The following ROBO1 variants were observed in gnomAD, a reference collection of about 807,000 sequenced individuals.
ROBO1 encodes the protein roundabout homolog 1.
Under a neutral mutation model 195.9 loss-of-function variants are expected in ROBO1, and 149 were observed. That is an observed-to-expected ratio of 0.76 (90% confidence interval 0.67 to 0.87). ROBO1 has a LOEUF of 0.87. ROBO1 is among the 40% of genes least tolerant of loss of function. The probability of loss-of-function intolerance (pLI) is 0.00; values close to 1 mark genes in which losing one functional copy is unlikely to be tolerated. For missense variants in ROBO1, 1,933 were observed against 2,068.3 expected (o/e 0.93, Z 1.27); for synonymous variants, 816 against 733.2 (o/e 1.11, Z -1.82).
intron 1 of ROBO1, among the ~76,000 whole-genome samples, chr3:79,759,458 A>G (rs147823759): frequency 6.6e-6 from 1 of 152,196 alleles, no homozygotes; most frequent in Non-Finnish European, 1.5e-5. Flanking sequence ...CCAAGTACTG[A>G]AGTCCATTTC....
chr3:79,517,476 AC>A (rs1941000882), intron 2 of ROBO1, among the ~76,000 whole-genome samples: 1 of 152,102 alleles, frequency 6.6e-6, no homozygotes, highest in Non-Finnish European at 1.5e-5. Flanking sequence ...CAGCCTATTA[AC>A]CTTTAAATAT....
chr3:79,128,848 C>T (rs892393440), intron 2 of ROBO1, among the ~76,000 whole-genome samples: 1 of 152,024 alleles, frequency 6.6e-6, no homozygotes, highest in Non-Finnish European at 1.5e-5. Flanking sequence ...GATTTTCTAT[C>T]CATTGACTCC....
chr3:78,686,569 A>T (rs1039414743), intron 9 of ROBO1, among the ~76,000 whole-genome samples: 3 of 152,018 alleles, frequency 2.0e-5, no homozygotes, highest in African/African-American at 7.2e-5. Context: ...AAAAAAAAAA[A>T]AATTAACTAT....
At chr3:78,858,135 A>G (rs2034566248) in intron 4 of ROBO1, among the ~76,000 whole-genome samples, 1 of 152,140 alleles carries the variant, frequency 6.6e-6, no homozygotes, top group Admixed American at 6.6e-5. Flanking sequence ...GTAGGGGGAC[A>G]GGGCTTTAAG....
chr3:79,606,052 A>T (rs767167274), intron 1 of ROBO1, among the ~76,000 whole-genome samples: 2 of 151,194 alleles, frequency 1.3e-5, no homozygotes, highest in Non-Finnish European at 2.9e-5. Context: ...ATATATATAT[A>T]CACCCATTTA....
chr3:79,581,434 T>C (rs1233678949), intron 2 of ROBO1, among the ~76,000 whole-genome samples: 4 of 152,170 alleles, frequency 2.6e-5, no homozygotes, highest in African/African-American at 9.7e-5. Context: ...AGATTACAAA[T>C]ACGAGTTTCT....
intron 8 of ROBO1, among the ~76,000 whole-genome samples, chr3:78,693,556 A>G (rs1038206491): frequency 2.1e-4 from 32 of 152,324 alleles, no homozygotes; most frequent in Admixed American, 5.9e-4. Context: ...TAATTTAAGA[A>G]AAATAGAAAT....
intron 2 of ROBO1, among the ~76,000 whole-genome samples, chr3:79,144,854 G>A (rs1334206875): frequency 2.6e-5 from 4 of 151,894 alleles, no homozygotes; most frequent in Non-Finnish European, 5.9e-5. Flanking sequence ...ACTGTGAATA[G>A]CAATGTATCT....
chr3:78,669,130 A>G (rs1387447612), intron 11 of ROBO1, among the ~76,000 whole-genome samples: 1 of 152,172 alleles, frequency 6.6e-6, no homozygotes, highest in Admixed American at 6.5e-5. Flanking sequence ...TGGAACGAAC[A>G]CTCTCGCTCC....
chr3:79,167,954 A>G (rs1448267779), intron 2 of ROBO1, among the ~76,000 whole-genome samples: 1 of 152,228 alleles, frequency 6.6e-6, no homozygotes, highest in Non-Finnish European at 1.5e-5. Context: ...TAGAATGGTC[A>G]CTGTCAGATG....
At chr3:79,699,786 A>C (rs1947559974) in intron 1 of ROBO1, among the ~76,000 whole-genome samples, 1 of 151,672 alleles carries the variant, frequency 6.6e-6, no homozygotes, top group Non-Finnish European at 1.5e-5. Context: ...GCTTCTGGGA[A>C]CATTTCTTGA....
At chr3:78,960,060 G>C (rs2041257499) in intron 3 of ROBO1, among the ~76,000 whole-genome samples, 1 of 152,092 alleles carries the variant, frequency 6.6e-6, no homozygotes, top group Non-Finnish European at 1.5e-5. Context: ...AGCTACTCAG[G>C]AGGCTGAGGT....
intron 2 of ROBO1, among the ~76,000 whole-genome samples, chr3:79,585,276 T>C (rs1311442707): frequency 1.3e-5 from 2 of 151,958 alleles, no homozygotes; most frequent in African/African-American, 4.8e-5. Context: ...AATATCTGAA[T>C]TAAGATTTTA....
rs1467883361 is a variant in ROBO1 at position 79,279,293 on chromosome 3, AC to A, written c.89-153755del. Among the ~76,000 whole-genome samples, 6 of 152,138 alleles carry A rather than the reference AC, an allele frequency of 3.9e-5. No homozygotes were observed. The East Asian group carries it at 9.7e-4, about 24-fold the overall frequency. On this transcript the variant is annotated intron_variant, in intron 2 of 30. Transcript: ENST00000464233. Reference sequence around the variant, plus strand: ...AAAAAATAAACAAACAAACAAAAAAACAAAAACAACAACAAAACAAAACAAA... The same window carrying A: ...AAAAAATAAACAAACAAACAAAAAAAAAAAACAACAACAAAACAAAACAAA...
intron 19 of ROBO1, among the ~76,000 whole-genome samples, chr3:78,651,523 C>T (rs879924027): frequency 1.3e-5 from 2 of 151,982 alleles, no homozygotes; most frequent in African/African-American, 2.4e-5. Flanking sequence ...GAACTGAGCC[C>T]TAAGAAACTA....
At chr3:79,272,906 G>A (rs1011156304) in intron 2 of ROBO1, among the ~76,000 whole-genome samples, 6 of 152,036 alleles carry the variant, frequency 3.9e-5, no homozygotes, top group Non-Finnish European at 7.4e-5. Flanking sequence ...TACATTTGGC[G>A]GCAGATTTAT....
At chr3:79,220,714 T>A (rs2108824677) in intron 2 of ROBO1, among the ~76,000 whole-genome samples, 1 of 152,188 alleles carries the variant, frequency 6.6e-6, no homozygotes, top group Admixed American at 6.6e-5. Flanking sequence ...GAATCCCTTA[T>A]TAAATAAATC....
In ROBO1 at chr3:79,731,046, C is replaced by T. The variant is rs368590407; in HGVS notation, c.-51+36706G>A. Among the ~76,000 whole-genome samples, 15 of 152,098 alleles carry T rather than the reference C, an allele frequency of 9.9e-5. No individual in the cohort carries two copies. The East Asian group carries it at 2.3e-3, about 24-fold the overall frequency. ...TGTTTCCTATATTTCAAAGTTGAGCCATTTCCTTTTCTACATTTTAGTCAG... is the reference window on the plus strand; with the variant it reads ...TGTTTCCTATATTTCAAAGTTGAGCTATTTCCTTTTCTACATTTTAGTCAG... On this transcript the variant is annotated intron_variant, in intron 1 of 30. Coordinates refer to ENST00000464233, the MANE Select transcript of ROBO1 (RefSeq NM_002941.4).
intron 5 of ROBO1, among the ~76,000 whole-genome samples, chr3:78,746,542 A>C (rs552506244): frequency 3.6e-4 from 55 of 152,318 alleles, no homozygotes; most frequent in Non-Finnish European, 7.4e-4. Context: ...ACTGATCTCT[A>C]AACACCATGA....
Sources: allele counts gnomAD v4.1 joint callset (sites outside exome capture counted in the v4.1 genomes callset), GRCh38; gene constraint gnomAD v4.1.1; transcripts MANE v1.5; gene names NCBI Gene and HGNC (gene_info 2026-07-23, HGNC 2026-07-21).